The following SYNE2 variants were observed in gnomAD, a reference collection of about 807,000 sequenced individuals.
The protein encoded by SYNE2 is nesprin-2.
In SYNE2, 431 loss-of-function variants were observed where a neutral mutation model predicts 856.3. The ratio of observed to expected loss-of-function variants is 0.50; its 90% CI spans 0.47 to 0.55. The LOEUF is 0.55. Ranked by LOEUF, SYNE2 falls within the 20% of genes least tolerant of loss-of-function variation. The probability of loss-of-function intolerance (pLI) is 0.00; values close to 1 mark genes in which losing one functional copy is unlikely to be tolerated. For missense variants in SYNE2, 8,129 were observed against 8,023.2 expected (o/e 1.01, Z -0.50); for synonymous variants, 2,923 against 2,872.3 (o/e 1.02, Z -0.56).
Position 64,052,460 on chromosome 14 carries a change from G to T in SYNE2, c.8547G>T (p.Met2849Ile), listed in dbSNP as rs755461661. ...CTATAATAAGGAAGTTTCAACTTAT[G>T]GTTCAAGAAAGTGAAACACTGATAA... ...FFAIIRKFQLMVQESETLIIP... is the reference protein window; with the variant it reads ...FFAIIRKFQLIVQESETLIIP... Residue 2849 changes from methionine to isoleucine, a missense_variant, in exon 48 of 116, where the codon ATG becomes ATT. Coordinates refer to ENST00000555002, the MANE Select transcript of SYNE2 (RefSeq NM_182914.3). 135 of 1,612,672 alleles carry T rather than the reference G, an allele frequency of 8.4e-5. No individual in the cohort carries two copies. The highest frequency in any genetic ancestry group is 1.1e-4 in the Non-Finnish European group (127 of 1,179,370).
At chr14:63,957,679 C>A (rs1317940507) in intron 8 of SYNE2, among the ~76,000 whole-genome samples, 2 of 151,982 alleles carry the variant, frequency 1.3e-5, no homozygotes, top group East Asian at 3.9e-4. Flanking sequence ...CCTAGCCTGG[C>A]CAACATGGTG....
intron 82 of SYNE2, 140 bp downstream of exon 82, chr14:64,142,228 C>CCCCATCCCACCACCCCCAA: frequency 1.0e-6 from 1 of 997,526 alleles, no homozygotes; most frequent in Non-Finnish European, 1.5e-6. Context: ...GTGGATGATT[C>CCCCATCCCACCACCCCCAA]TGGAGAGATG....
intron 18 of SYNE2, among the ~76,000 whole-genome samples, chr14:63,985,860 T>C (rs1452554012): frequency 1.3e-5 from 2 of 152,044 alleles, no homozygotes; most frequent in African/African-American, 4.8e-5. Context: ...TATAAAAACT[T>C]AGCTAGACGT....
intron 2 of SYNE2, among the ~76,000 whole-genome samples, chr14:63,926,129 C>T (rs1223061364): frequency 1.3e-5 from 2 of 152,082 alleles, no homozygotes. Flanking sequence ...CAGGTGTGAG[C>T]CACCGCACCT....
At chr14:63,827,661 GAAAAAGAAAA>G (rs1889501329) in intron 1 of SYNE2, among the ~76,000 whole-genome samples, 1 of 95,682 alleles carries the variant, frequency 1.0e-5, no homozygotes, top group African/African-American at 3.7e-5. Flanking sequence ...AAAAAAGAAA[GAAAAAGAAAA>G]AAAGAAAAGA....
rs767175888 is a variant in SYNE2, at chr14:63,949,966, A to G, written c.550A>G (p.Arg184Gly). Residue 184 changes from arginine to glycine, a missense_variant, in exon 7 of 116, where the codon AGA becomes GGA. By Grantham distance (125) the Arg-to-Gly change is moderately radical. Coordinates refer to ENST00000555002, the MANE Select transcript of SYNE2 (RefSeq NM_182914.3). ...GCAAGCAAGATGGCAAATGTCTGCA[A>G]GAAAGGCCCTTCTTTTGTGGGCTCA... is the stretch of plus-strand genomic sequence containing the variant. ...KVQARWQMSA[R>G]KALLLWAQEQ... 8 of 1,614,050 alleles carry G rather than the reference A, an allele frequency of 5.0e-6. No individual in the cohort carries two copies. The Admixed American group carries it at 8.3e-5, about 17-fold the overall frequency.
At chr14:64,118,592 G>A (rs935449357) in intron 66 of SYNE2, among the ~76,000 whole-genome samples, 41 of 152,216 alleles carry the variant, frequency 2.7e-4, no homozygotes, top group African/African-American at 9.6e-4. Context: ...GCGAGGCATG[G>A]TGGTTCATGC....
chr14:64,177,453 G>A lies in SYNE2; in HGVS notation c.17526G>A (p.Glu5842=). 6.2e-7 allele frequency: 1 copy of A among 1,614,134 alleles called. No individual in the cohort carries two copies. The highest frequency in any genetic ancestry group is 8.5e-7 in the Non-Finnish European group (1 of 1,180,018). Residue 5842 remains glutamate, a synonymous_variant, in exon 96 of 116, where the codon GAG becomes GAA. Transcript: ENST00000555002. The part of the protein sequence containing the change: ...QSEDPLPELH[E]DLHNEKELIK... ...AAGATCCTCTTCCAGAGCTTCACGA[G>A]GACCTCCATAACGAAAAAGAGCTGA...
chr14:64,208,960 C>G lies in SYNE2; in HGVS notation c.18389+15C>G. The G allele has an allele frequency of 3.1e-6, 5 of 1,612,658 alleles. No individual in the cohort carries two copies. Among genetic ancestry groups the G allele is most frequent in the Non-Finnish European group, 4.2e-6 (5 of 1,179,566 alleles). On this transcript the variant is annotated intron_variant, in intron 101 of 115. Transcript: ENST00000555002. Reference sequence around the variant, plus strand: ...CGGCGCATGAAGTAAGAACTAAGCTCCCCCAAATGCCTTCAGCGTGGTCAG... The same window carrying G: ...CGGCGCATGAAGTAAGAACTAAGCTGCCCCAAATGCCTTCAGCGTGGTCAG...
intron 2 of SYNE2, among the ~76,000 whole-genome samples, chr14:63,931,185 G>A (rs1315036689): frequency 6.6e-6 from 1 of 152,200 alleles, no homozygotes; most frequent in Non-Finnish European, 1.5e-5. Flanking sequence ...CAGAAAAAGA[G>A]TGCTTTTCTT....
Position 64,026,668 on chromosome 14 carries a change from G to A in SYNE2, c.6342G>A (p.Lys2114=). Residue 2114 remains lysine, a synonymous_variant, in exon 42 of 116, where the codon AAG becomes AAA. Transcript: ENST00000555002. ...GCAGCGAGGCCCCGCTGGTTCAGAAGACCCTCACTGACATCAGCAACCAGT... is the reference window on the plus strand; with the variant it reads ...GCAGCGAGGCCCCGCTGGTTCAGAAAACCCTCACTGACATCAGCAACCAGT... ...AESSEAPLVQ[K]TLTDISNQWD... 1 of 1,613,012 alleles carries A rather than the reference G, an allele frequency of 6.2e-7. No individual in the cohort carries two copies. The highest frequency in any genetic ancestry group is 8.5e-7 in the Non-Finnish European group (1 of 1,179,496).
intron 1 of SYNE2, among the ~76,000 whole-genome samples, chr14:63,856,937 CTG>C (rs1483361212): frequency 2.0e-5 from 3 of 151,956 alleles, no homozygotes; most frequent in Non-Finnish European, 2.9e-5. Flanking sequence ...GCCTGGCCAA[CTG>C]TGAATTTTTT....
intron 45 of SYNE2, among the ~76,000 whole-genome samples, chr14:64,041,619 C>T (rs2097148929): frequency 1.3e-5 from 2 of 152,072 alleles, no homozygotes. Context: ...GAGGCTGAGG[C>T]AGGAGGATTG....
chr14:64,134,394 G>C (rs1159438161), intron 78 of SYNE2, among the ~76,000 whole-genome samples, 194 bp downstream of exon 78: 2 of 152,144 alleles, frequency 1.3e-5, no homozygotes, highest in African/African-American at 4.8e-5. Context: ...TGTCTGGCTT[G>C]GGGGAGAGGA....
intron 51 of SYNE2, 38 bp from the exon 52 acceptor site, chr14:64,070,607 A>G (rs79574442): frequency 1.3e-6 from 2 of 1,565,098 alleles, no homozygotes; most frequent in Admixed American, 1.8e-5. Flanking sequence ...GTAATTGTAT[A>G]TTTTACTTAT....
At chr14:64,025,773 C>T (rs924304327) in intron 41 of SYNE2, among the ~76,000 whole-genome samples, 2 of 152,048 alleles carry the variant, frequency 1.3e-5, no homozygotes, top group African/African-American at 4.8e-5. Context: ...GAAGCATCAG[C>T]AATGTCGAGG....
intron 10 of SYNE2, among the ~76,000 whole-genome samples, chr14:63,965,088 G>A (rs961061553): frequency 1.3e-5 from 2 of 150,648 alleles, no homozygotes; most frequent in Non-Finnish European, 2.9e-5. Context: ...TCAGTCTCCC[G>A]AGTAGCTGGG....
intron 45 of SYNE2, among the ~76,000 whole-genome samples, chr14:64,038,673 T>C (rs1011378952): frequency 6.6e-6 from 1 of 152,168 alleles, no homozygotes; most frequent in Non-Finnish European, 1.5e-5. Flanking sequence ...AAACCCGGTC[T>C]CCATCAAAAA....
intron 1 of SYNE2, among the ~76,000 whole-genome samples, chr14:63,900,984 C>T (rs993645394): frequency 4.6e-5 from 7 of 152,092 alleles, no homozygotes; most frequent in African/African-American, 1.7e-4. Flanking sequence ...GAGAGACACC[C>T]CAGGGAAAAT....
Sources: gnomAD v4.1 joint callset for allele counts (sites outside exome capture counted in the v4.1 genomes callset) on GRCh38, gnomAD v4.1.1 for gene constraint, MANE v1.5 for transcripts, NCBI Gene and HGNC (gene_info 2026-07-23, HGNC 2026-07-21) for gene names.